The following SLC35E4 variants were observed in gnomAD, a reference collection of about 807,000 sequenced individuals.
SLC35E4 encodes solute carrier family 35 member E4, also known as solute carrier family 35, member E4.
A neutral mutation model predicts 19.3 loss-of-function variants in SLC35E4; 15 were observed. That is an observed-to-expected ratio of 0.78 (90% CI 0.52 to 1.20). SLC35E4 has a LOEUF of 1.20. Among genes scored for constraint, SLC35E4 ranks in the 50% most tolerant of loss-of-function variants. SLC35E4 has a pLI of 0.00. For synonymous variants in SLC35E4, 219 were observed against 219.9 expected, an observed-to-expected ratio of 1.00 and a Z score of 0.04; for missense variants, 406 against 472.3, an observed-to-expected ratio of 0.86 and a Z score of 1.30.
At chr22:30,660,663 G>T (rs2145603032) in intron 2 of SLC35E4, among the ~76,000 whole-genome samples, 1 of 152,198 alleles carries the variant, frequency 6.6e-6, no homozygotes, top group East Asian at 1.9e-4. Flanking sequence ...CTCTGATAAG[G>T]ATAACCGAAA....
chr22:30,666,493 G>A (rs2088670296), downstream of SLC35E4, among the ~76,000 whole-genome samples: 1 of 152,010 alleles, frequency 6.6e-6, no homozygotes. Context: ...GTGGTGGCAT[G>A]GGCCTGTAGT....
rs1487122314 is a variant in SLC35E4, at chr22:30,647,090, G to A, written c.*59G>A. On this transcript the variant is annotated 3_prime_UTR_variant, in exon 2 of 2. Coordinates refer to ENST00000343605, the MANE Select transcript of SLC35E4 (RefSeq NM_001001479.4). ...CCCTGGCCTGAATCCAGCCTCCGCT[G>A]TGGCCATAGAAGGAATGGAGAACAG... 6 of 1,515,690 alleles carry A rather than the reference G, an allele frequency of 4.0e-6. No homozygotes were observed. The African/African-American group carries it at 5.5e-5, about 14-fold the overall frequency. The allele number at this position is 1,515,690 out of a possible 1,614,324, so 93.9% of individuals were successfully genotyped here.
intron 2 of SLC35E4, chr22:30,654,033 G>A (rs1416327918): frequency 1.3e-5 from 2 of 157,414 alleles, no homozygotes; most frequent in Non-Finnish European, 2.8e-5. Flanking sequence ...AGGCTGGAGT[G>A]CAGTGGCGCG....
downstream of SLC35E4, chr22:30,649,213 C>T (rs946474072): frequency 1.3e-5 from 9 of 716,944 alleles, no homozygotes; most frequent in Admixed American, 6.0e-5. Context: ...GGAGAGGGTT[C>T]GAATGAGGAG....
downstream of SLC35E4, among the ~76,000 whole-genome samples, chr22:30,652,866 G>A (rs553052658): frequency 6.6e-6 from 1 of 152,334 alleles, no homozygotes; most frequent in Admixed American, 6.5e-5. Context: ...AGTCTATTTA[G>A]TGTGAGCCCT....
At chr22:30,655,806 T>C (rs1356022195) in intron 2 of SLC35E4, among the ~76,000 whole-genome samples, 2 of 152,124 alleles carry the variant, frequency 1.3e-5, no homozygotes, top group Admixed American at 6.5e-5. Flanking sequence ...TTCCAGGGTC[T>C]GCCTGAAGTC....
chr22:30,642,379 T>G (rs2145578964), intron 1 of SLC35E4, among the ~76,000 whole-genome samples: 1 of 152,182 alleles, frequency 6.6e-6, no homozygotes, highest in South Asian at 2.1e-4. Flanking sequence ...GATTCAGACG[T>G]GAGTGTACGT....
intron 2 of SLC35E4, among the ~76,000 whole-genome samples, chr22:30,655,294 GA>G (rs35848603): frequency 0.021 from 2,769 of 133,022 alleles, 86 homozygotes; most frequent in East Asian, 0.16. Context: ...TGTCTCTACG[GA>G]AAAAAAAAAA....
chr22:30,650,928 C>T (rs1470137687), downstream of SLC35E4, among the ~76,000 whole-genome samples: 1 of 151,974 alleles, frequency 6.6e-6, no homozygotes, highest in East Asian at 2.0e-4. Context: ...AGACCTGTCT[C>T]AGGCCTAGCT....
chr22:30,653,514 G>A lies in SLC35E4; in HGVS notation c.*8+4261G>A, dbSNP rs143888298. 4.8e-3 allele frequency among the ~76,000 whole-genome samples: 735 copies of A among 152,062 alleles called. 12 individuals are homozygous for A. The highest frequency in any genetic ancestry group is 0.017 in the African/African-American group (706 of 41,502). On this transcript the variant is annotated intron_variant, in intron 2 of 2. Coordinates refer to the SLC35E4 transcript ENST00000406566. Reference sequence around the variant, plus strand: ...AGCCTCCTGAGTAGGTGGAACTACAGGTGCACACTACCATGCCCGGCTAAT... The same window carrying A: ...AGCCTCCTGAGTAGGTGGAACTACAAGTGCACACTACCATGCCCGGCTAAT...
At chr22:30,652,464 G>A (rs1366702900), downstream of SLC35E4, among the ~76,000 whole-genome samples, 1 of 152,196 alleles carries the variant, frequency 6.6e-6, no homozygotes, top group East Asian at 1.9e-4. Context: ...CTTTGGGAAA[G>A]GGCCATTATC....
In SLC35E4 at chr22:30,643,065, A is replaced by C. The variant is rs115702301; in HGVS notation, c.620-3533A>C. Reference sequence around the variant, plus strand: ...AAAAAAAAGTATCCAGAAAGAGGAGAGCCCAGGCAGCTGTTGGCAGGGCCA... The same window carrying C: ...AAAAAAAAGTATCCAGAAAGAGGAGCGCCCAGGCAGCTGTTGGCAGGGCCA... On this transcript the variant is annotated intron_variant, in intron 1 of 1. Coordinates refer to ENST00000343605, the MANE Select transcript of SLC35E4 (RefSeq NM_001001479.4). Among the ~76,000 whole-genome samples, 1,288 of 149,834 alleles carry C rather than the reference A, an allele frequency of 8.6e-3. 16 individuals carry two copies. Among genetic ancestry groups the C allele is most frequent in the African/African-American group, 0.029 (1,201 of 40,966 alleles).
At chr22:30,651,244 A>G (rs2088203864), downstream of SLC35E4, among the ~76,000 whole-genome samples, 2 of 150,580 alleles carry the variant, frequency 1.3e-5, no homozygotes, top group African/African-American at 2.4e-5. Context: ...TCTGTCGCCC[A>G]GGCTAGAATG....
At chr22:30,663,447 A>G (rs2088539382), downstream of SLC35E4, 1 of 1,609,040 alleles carries the variant, frequency 6.2e-7, no homozygotes, top group Non-Finnish European at 8.5e-7. Flanking sequence ...TCACAGTGGA[A>G]TCATCAAACG....
At chr22:30,662,561 G>A (rs2088509275) in exon 3 of SLC35E4, 1 of 152,072 alleles carries the variant, frequency 6.6e-6, no homozygotes, top group Non-Finnish European at 1.5e-5. Flanking sequence ...GTGGTATCGG[G>A]GTACAGTGGC....
intron 1 of SLC35E4, among the ~76,000 whole-genome samples, chr22:30,638,917 G>A (rs1307099230): frequency 1.3e-5 from 2 of 152,018 alleles, no homozygotes; most frequent in African/African-American, 4.8e-5. Flanking sequence ...AGTGAGCTGA[G>A]ATTACACCAC....
chr22:30,643,059 G>A (rs1375282224), intron 1 of SLC35E4, among the ~76,000 whole-genome samples: 1 of 151,256 alleles, frequency 6.6e-6, no homozygotes, highest in African/African-American at 2.4e-5. Context: ...TATCCAGAAA[G>A]AGGAGAGCCC....
rs754965757 is a variant in SLC35E4, at chr22:30,636,776, G to T, written c.326G>T (p.Arg109Leu). 10 of 1,612,352 alleles carry T rather than the reference G, an allele frequency of 6.2e-6. No individual in the cohort carries two copies. The South Asian group carries it at 1.1e-4, about 18-fold the overall frequency. Residue 109 changes from arginine (R) to leucine (L), a missense_variant, in exon 1 of 2, where the codon CGA becomes CTA. Coordinates refer to ENST00000343605, the MANE Select transcript of SLC35E4 (RefSeq NM_001001479.4). ...CCCATGCCAGGCGGCACTCGCTGCC[G>T]AGTCCTACTGCTCAGTCTCACCTTT... Reference protein sequence around the residue: ...RRPMPGGTRCRVLLLSLTFGT... With the variant: ...RRPMPGGTRCLVLLLSLTFGT...
downstream of SLC35E4, among the ~76,000 whole-genome samples, chr22:30,650,291 C>T (rs938678290): frequency 1.6e-4 from 24 of 151,568 alleles, no homozygotes; most frequent in South Asian, 4.2e-4. Flanking sequence ...GAGATCATGC[C>T]ATTGCACTGT....
Sources: gnomAD v4.1 joint callset for allele counts (sites outside exome capture counted in the v4.1 genomes callset) on GRCh38, gnomAD v4.1.1 for gene constraint, MANE v1.5 for transcripts, NCBI Gene and HGNC (gene_info 2026-07-23, HGNC 2026-07-21) for gene names.